NRG1: variants seen among roughly 807,000 people sequenced by gnomAD.
NRG1 encodes the protein neuregulin 1.
Under a neutral mutation model 63.8 loss-of-function variants are expected in NRG1, and 18 were observed. The ratio of observed to expected loss-of-function variants is 0.28; its 90% CI spans 0.19 to 0.42. NRG1 has a LOEUF of 0.42. Ranked by LOEUF, NRG1 falls within the 10% of genes least tolerant of loss-of-function variation. The pLI is 1.00. For missense variants in NRG1, 762 were observed against 814.7 expected (o/e 0.94, Z 0.79); for synonymous variants, 302 against 301.3 (o/e 1.00, Z -0.02).
intron 1 of NRG1, among the ~76,000 whole-genome samples, chr8:32,119,397 C>T (rs1374093923): frequency 6.6e-6 from 1 of 152,068 alleles, no homozygotes; most frequent in Non-Finnish European, 1.5e-5. Flanking sequence ...CAATGCCTTT[C>T]CAGAAAATTT....
intron 1 of NRG1, among the ~76,000 whole-genome samples, chr8:31,667,611 A>C (rs935594133): frequency 1.3e-5 from 2 of 152,188 alleles, no homozygotes; most frequent in African/African-American, 2.4e-5. Flanking sequence ...GGTCCAGTGA[A>C]AGCACAGAGA....
At chr8:32,674,626 A>G (rs1806576861) in intron 5 of NRG1, among the ~76,000 whole-genome samples, 1 of 152,190 alleles carries the variant, frequency 6.6e-6, no homozygotes, top group Admixed American at 6.5e-5. Flanking sequence ...TGTCCAAAAG[A>G]CTTAGGCAAA....
chr8:32,125,960 G>T (rs368302588), intron 1 of NRG1, among the ~76,000 whole-genome samples: 2 of 151,818 alleles, frequency 1.3e-5, no homozygotes, highest in African/African-American at 2.4e-5. Context: ...TTGGGAAGAT[G>T]TGATCCCTCT....
chr8:31,744,391 C>G (rs1815640836), intron 1 of NRG1, among the ~76,000 whole-genome samples: 1 of 151,994 alleles, frequency 6.6e-6, no homozygotes, highest in Non-Finnish European at 1.5e-5. Flanking sequence ...TTATTTCTTC[C>G]TTTAAAATGT....
chr8:31,880,337 AG>A (rs1830253784), intron 1 of NRG1, among the ~76,000 whole-genome samples: 1 of 152,162 alleles, frequency 6.6e-6, no homozygotes, highest in African/African-American at 2.4e-5. Flanking sequence ...GCCTTCTCTA[AG>A]AAGGGTGGAG....
chr8:32,209,144 G>C (rs1005182509), intron 1 of NRG1, among the ~76,000 whole-genome samples: 1 of 152,004 alleles, frequency 6.6e-6, no homozygotes, highest in African/African-American at 2.4e-5. Context: ...TGTGCCTTAA[G>C]GATGACCAAA....
At chr8:32,508,161 C>T (rs964611479) in intron 1 of NRG1, among the ~76,000 whole-genome samples, 2 of 152,214 alleles carry the variant, frequency 1.3e-5, no homozygotes, top group South Asian at 2.1e-4. Context: ...GTCCTAACTA[C>T]TCAGGAAGCT....
At chr8:32,749,169 T>C (rs143789385) in intron 7 of NRG1, 14 of 172,482 alleles carry the variant, frequency 8.1e-5, no homozygotes, top group Non-Finnish European at 1.2e-4. Flanking sequence ...TTCACCTCCT[T>C]GGAACTTTGC....
intron 5 of NRG1, among the ~76,000 whole-genome samples, chr8:32,642,918 C>G (rs754250478): frequency 6.6e-6 from 1 of 152,182 alleles, no homozygotes; most frequent in Non-Finnish European, 1.5e-5. Flanking sequence ...AGCTACCGTA[C>G]ATTCTTCTGA....
At chr8:31,946,865 A>G (rs1384374470) in intron 1 of NRG1, among the ~76,000 whole-genome samples, 1 of 152,214 alleles carries the variant, frequency 6.6e-6, no homozygotes, top group Admixed American at 6.5e-5. Flanking sequence ...TAAGATACCT[A>G]TAAAAGATAG....
chr8:32,333,045 T>G (rs369526355), intron 1 of NRG1, among the ~76,000 whole-genome samples: 9 of 152,284 alleles, frequency 5.9e-5, no homozygotes, highest in South Asian at 4.1e-4. Context: ...CCATACACAG[T>G]AATTAAATGG....
chr8:31,803,794 T>C (rs929428217), intron 1 of NRG1, among the ~76,000 whole-genome samples: 2 of 152,232 alleles, frequency 1.3e-5, no homozygotes, highest in South Asian at 4.1e-4. Flanking sequence ...TGTATCGCCT[T>C]TCTCTAGAAC....
intron 6 of NRG1, among the ~76,000 whole-genome samples, chr8:32,739,256 G>A (rs1825806663): frequency 6.6e-6 from 1 of 152,054 alleles, no homozygotes. Context: ...ACATCTCTTA[G>A]GGATCTTGTT....
chr8:31,834,141 A>G (rs535208570), intron 1 of NRG1, among the ~76,000 whole-genome samples: 2 of 152,302 alleles, frequency 1.3e-5, no homozygotes, highest in East Asian at 1.9e-4. Context: ...GTTCTTGGCA[A>G]GTATGTTTGT....
chr8:31,947,173 G>A (rs1359198816), intron 1 of NRG1, among the ~76,000 whole-genome samples: 5 of 151,534 alleles, frequency 3.3e-5, no homozygotes, highest in Non-Finnish European at 2.9e-5. Flanking sequence ...GGTGGCGGGC[G>A]CCTGTAGTCC....
chr8:31,724,949 T>A (rs1585944443), intron 1 of NRG1, among the ~76,000 whole-genome samples: 2 of 152,230 alleles, frequency 1.3e-5, no homozygotes, highest in African/African-American at 4.8e-5. Context: ...TCTGCCATTG[T>A]AGTGTGAAAG....
chr8:31,818,750 C>T (rs1172626763), intron 1 of NRG1, among the ~76,000 whole-genome samples: 2 of 152,008 alleles, frequency 1.3e-5, no homozygotes, highest in East Asian at 1.9e-4. Flanking sequence ...GTTGGGGACC[C>T]GTGTTCCACA....
Position 31,672,909 on chromosome 8 carries a change from G to T in NRG1, c.37+33478G>T, listed in dbSNP as rs139138842. Among the ~76,000 whole-genome samples the T allele has an allele frequency of 3.8e-4, 56 of 148,436 alleles. 1 individual carries two copies. The East Asian group carries it at 9.3e-3, about 25-fold the overall frequency. Reference sequence around the variant, plus strand: ...TCCAAGATATATTTTACATTCCTTTGTGTCATAAATATGCTTTACAATGTA... The same window carrying T: ...TCCAAGATATATTTTACATTCCTTTTTGTCATAAATATGCTTTACAATGTA... On this transcript the variant is annotated intron_variant, in intron 1 of 10. Coordinates refer to the NRG1 transcript ENST00000519301.
At chr8:32,559,124 G>T (rs1479675824) in intron 1 of NRG1, among the ~76,000 whole-genome samples, 1 of 118,054 alleles carries the variant, frequency 8.5e-6, no homozygotes, top group Non-Finnish European at 1.8e-5. Context: ...CATATCAAAA[G>T]AACAATTTAT....
Sources: allele counts gnomAD v4.1 joint callset (sites outside exome capture counted in the v4.1 genomes callset), GRCh38; gene constraint gnomAD v4.1.1; transcripts MANE v1.5; gene names NCBI Gene and HGNC (gene_info 2026-07-23, HGNC 2026-07-21).